The following SLF2 variants were observed in gnomAD, a reference collection of about 807,000 sequenced individuals.
SLF2 encodes SMC5-SMC6 complex localization factor protein 2.
In SLF2, 68 loss-of-function variants were observed where a neutral mutation model predicts 124.3. The observed-to-expected ratio is 0.55, with a 90% CI of 0.45 to 0.67. The LOEUF (loss-of-function observed/expected upper bound fraction) is 0.67. SLF2 is among the 30% of genes least tolerant of loss of function. The pLI is 0.00. For missense variants in SLF2, 1,246 were observed against 1,373.7 expected, an observed-to-expected ratio of 0.91 and a Z score of 1.47; for synonymous variants, 480 against 478.8, an observed-to-expected ratio of 1.00 and a Z score of -0.03.
At position 100,945,352 on chromosome 10, in the gene SLF2, T is replaced by C; in HGVS notation, c.2780T>C (p.Ile927Thr). 6.3e-7 allele frequency: 1 copy of C among 1,594,784 alleles called. No homozygotes were observed. Among genetic ancestry groups the C allele is most frequent in the Non-Finnish European group, 8.5e-7 (1 of 1,175,492 alleles). Residue 927 changes from isoleucine (I) to threonine (T), a missense_variant, in exon 13 of 20, where the codon ATA becomes ACA. Around this residue, in one of 3 missense-constraint regions of SLF2, gnomAD observed 535 missense variants for 632.8 expected, o/e 0.85. Transcript: ENST00000238961. ...CAGTTTCTAGGCTTGTGTACATCTA[T>C]ACATCCAGAAGGTTACCAGGATCGT... ...VVKFLGLCTS[I>T]HPEGYQDREI...
At chr10:100,940,852 A>T (rs1372047511) in intron 11 of SLF2, among the ~76,000 whole-genome samples, 15 of 74,040 alleles carry the variant, frequency 2.0e-4, no homozygotes, top group African/African-American at 5.2e-4. Context: ...CCTTCCTTCC[A>T]TGAGATGAGG....
intron 15 of SLF2, among the ~76,000 whole-genome samples, chr10:100,948,760 C>T (rs558639690): frequency 2.0e-5 from 3 of 152,092 alleles, no homozygotes; most frequent in African/African-American, 4.8e-5. Flanking sequence ...GTGGCGGACA[C>T]GTGTAGTCCC....
At chr10:100,916,543 T>C (rs201364502) in intron 2 of SLF2, 27 bp from the exon 3 acceptor site, 62 of 1,312,806 alleles carry the variant, frequency 4.7e-5, no homozygotes, top group Admixed American at 2.1e-4. Context: ...AACATGCAAT[T>C]TGTATGTGTT....
intron 1 of SLF2, among the ~76,000 whole-genome samples, chr10:100,914,391 T>C (rs1288504697): frequency 6.6e-6 from 1 of 152,186 alleles, no homozygotes; most frequent in Non-Finnish European, 1.5e-5. Flanking sequence ...CTCTTGAAAG[T>C]TACATTCATG....
chr10:100,924,966 C>CTATA lies in SLF2; in HGVS notation c.1966_1969dup (p.Thr657IlefsTer29). 1 of 1,610,754 alleles carries CTATA rather than the reference C, an allele frequency of 6.2e-7. No individual in the cohort carries two copies. The highest frequency in any genetic ancestry group is 8.5e-7 in the Non-Finnish European group (1 of 1,178,880). On this transcript the variant is annotated frameshift_variant, in exon 5 of 20. Coordinates refer to ENST00000238961, the MANE Select transcript of SLF2 (RefSeq NM_018121.4). LOFTEE classifies it high-confidence loss of function. ...AGGGGCTTAGATCTCAGTCATCAGACTATACAGTAAGTAGTTCTGTGACGT... is the reference window on the plus strand; with the variant it reads ...AGGGGCTTAGATCTCAGTCATCAGACTATATATACAGTAAGTAGTTCTGTGACGT...
intron 6 of SLF2, chr10:100,926,884 T>A (rs905447628): frequency 6.7e-6 from 1 of 148,424 alleles, no homozygotes; most frequent in Non-Finnish European, 1.5e-5. Flanking sequence ...CACTCTAGCC[T>A]GGGCAACAGA....
chr10:100,926,372 AGC>A, intron 6 of SLF2: 1 of 1,193,970 alleles, frequency 8.4e-7, no homozygotes, highest in Non-Finnish European at 1.1e-6. Context: ...AGGAGGCCAA[AGC>A]AGGCAAATCT....
intron 7 of SLF2, 73 bp from the exon 8 acceptor site, chr10:100,929,757 G>T: frequency 8.4e-7 from 1 of 1,192,842 alleles, no homozygotes; most frequent in Middle Eastern, 2.6e-4. Context: ...GGTTTTCTTT[G>T]CACCCAGCTT....
At position 100,962,436 on chromosome 10, in the gene SLF2, CTT is replaced by C. The variant is rs1158018670; in HGVS notation, c.*527_*528del. 1 of 152,600 alleles carries C rather than the reference CTT, an allele frequency of 6.6e-6. No homozygotes were observed. The highest frequency in any genetic ancestry group is 2.4e-5 in the African/African-American group (1 of 41,442). The allele number at this position is 152,600 out of a possible 1,614,324, so 9.5% of individuals were successfully genotyped here. On this transcript the variant is annotated 3_prime_UTR_variant, in exon 20 of 20. Transcript: ENST00000238961. Reference sequence around the variant, plus strand: ...TAAAAAGCATAAATCTCTTCTGTAACTTTTATAAACCACAGGGAGGTTTCAAT... The same window carrying C: ...TAAAAAGCATAAATCTCTTCTGTAACTTATAAACCACAGGGAGGTTTCAAT...
At position 100,950,690 on chromosome 10, in the gene SLF2, C is replaced by T. The variant is rs759386387; in HGVS notation, c.3267C>T (p.Thr1089=). 3.1e-6 allele frequency: 5 copies of T among 1,613,376 alleles called. No homozygotes were observed. Among genetic ancestry groups the T allele is most frequent in the Non-Finnish European group, 4.2e-6 (5 of 1,179,578 alleles). ...TTCTCTAACAGGCATATTACCTGAC[C>T]TACATTCTTCTTCATTTAGTCGGTG... is the stretch of plus-strand genomic sequence containing the variant. ...LELEKQAYYL[T]YILLHLVGEV... Residue 1089 remains threonine (T), a synonymous_variant, in exon 17 of 20, where the codon ACC becomes ACT. Transcript: ENST00000238961.
chr10:100,937,143 C>T (rs151251953), intron 9 of SLF2, among the ~76,000 whole-genome samples: 174 of 151,998 alleles, frequency 1.1e-3, no homozygotes, highest in African/African-American at 3.9e-3. Flanking sequence ...TCAACCAGTC[C>T]TCCACTACAG....
At chr10:100,945,736 T>C (rs1318498927) in intron 13 of SLF2, among the ~76,000 whole-genome samples, 1 of 152,214 alleles carries the variant, frequency 6.6e-6, no homozygotes, top group Non-Finnish European at 1.5e-5. Context: ...GGATTTCCTA[T>C]GGACTAAGCA....
chr10:100,918,803 T>A (rs1849470312), intron 4 of SLF2, among the ~76,000 whole-genome samples: 1 of 152,098 alleles, frequency 6.6e-6, no homozygotes, highest in African/African-American at 2.4e-5. Context: ...TCTTGTATTT[T>A]TGTAGAGACG....
chr10:100,959,385 A>C, intron 18 of SLF2, 43 bp from the exon 19 acceptor site: 2 of 1,558,406 alleles, frequency 1.3e-6, no homozygotes, highest in African/African-American at 1.4e-5. Flanking sequence ...GTAGGTGAGA[A>C]TGTTTTAATC....
In SLF2 at chr10:100,913,124, G is replaced by A. The variant is rs769869387; in HGVS notation, c.14G>A (p.Cys5Tyr). Residue 5 changes from cysteine (C) to tyrosine (Y), a missense_variant, in exon 1 of 20, where the codon TGC becomes TAC. By Grantham distance (194) the Cys-to-Tyr change is radical. Around this residue, in one of 3 missense-constraint regions of SLF2, gnomAD observed 698 missense variants for 708.9 expected, o/e 0.98. Transcript: ENST00000238961. Reference sequence around the variant, plus strand: ...AGCGGCGCCGACATGACAAGGCGCTGCATGCCCGCTAGGCCAGGTTTCCCC... The same window carrying A: ...AGCGGCGCCGACATGACAAGGCGCTACATGCCCGCTAGGCCAGGTTTCCCC... MTRR[C>Y]MPARPGFPSS... 6.2e-7 allele frequency: 1 copy of A among 1,612,816 alleles called. No homozygotes were observed.
intron 9 of SLF2, among the ~76,000 whole-genome samples, chr10:100,935,381 C>G (rs1402179460): frequency 1.4e-5 from 2 of 144,446 alleles, no homozygotes; most frequent in East Asian, 4.2e-4. Flanking sequence ...GGTGACAGTG[C>G]GAGATTCTGT....
rs1276048288 is a variant in SLF2, at chr10:100,962,794, T to C, written c.*882T>C. 6.6e-6 allele frequency: 1 copy of C among 152,570 alleles called. No homozygotes were observed. Among genetic ancestry groups the C allele is most frequent in the African/African-American group, 2.4e-5 (1 of 41,404 alleles). The allele number at this position is 152,570 out of a possible 1,614,324, so 9.5% of individuals were successfully genotyped here. On this transcript the variant is annotated 3_prime_UTR_variant, in exon 20 of 20. Coordinates refer to ENST00000238961, the MANE Select transcript of SLF2 (RefSeq NM_018121.4). ...TCCAACAACCTTGTTTCCATGAGTA[T>C]ATAATTTTGGCAGACACCTGAATTC...
Position 100,924,650 on chromosome 10 carries a change from G to A in SLF2, c.1649G>A (p.Gly550Asp), listed in dbSNP as rs1564772452. Residue 550 changes from glycine to aspartate, a missense_variant, in exon 5 of 20, where the codon GGC becomes GAC. By Grantham distance (94) the Gly-to-Asp change is moderately conservative. Coordinates refer to ENST00000238961, the MANE Select transcript of SLF2 (RefSeq NM_018121.4). ...ISGGPLRSEY[G>D]TPTKSPPAAL... ...GGGGGACCTTTGCGCTCAGAATATG[G>A]CACTCCTACAAAGTCTCCCCCTGCT... is the stretch of plus-strand genomic sequence containing the variant. The A allele has an allele frequency of 6.2e-7, 1 of 1,614,020 alleles. No individual in the cohort carries two copies. The highest frequency in any genetic ancestry group is 8.5e-7 in the Non-Finnish European group (1 of 1,180,020).
chr10:100,930,027 A>C, intron 8 of SLF2, 30 bp downstream of exon 8: 1 of 1,395,986 alleles, frequency 7.2e-7, no homozygotes, highest in Non-Finnish European at 9.6e-7. Context: ...TTTTACTTTT[A>C]TATGTATAAA....
Sources: allele counts gnomAD v4.1 joint callset (sites outside exome capture counted in the v4.1 genomes callset), GRCh38; gene constraint gnomAD v4.1.1; regional missense constraint gnomAD v4.1.1; transcripts MANE v1.5; gene names NCBI Gene and HGNC (gene_info 2026-07-23, HGNC 2026-07-21).